The following ZNF343 variants were observed in gnomAD, a reference collection of about 807,000 sequenced individuals.
ZNF343 encodes zinc finger protein 343.
In ZNF343, 11 loss-of-function variants were observed where a neutral mutation model predicts 13.8. That is an observed-to-expected ratio of 0.80 (90% CI 0.50 to 1.32). The LOEUF is 1.32. ZNF343 is among the 40% of genes most tolerant of loss of function. ZNF343 has a pLI of 0.00. For missense variants in ZNF343, 658 were observed against 714.2 expected (o/e 0.92, Z 0.90); for synonymous variants, 248 against 260.0 (o/e 0.95, Z 0.44).
chr20:2,506,147 C>T (rs944506208), intron 1 of ZNF343, among the ~76,000 whole-genome samples: 1 of 152,184 alleles, frequency 6.6e-6, no homozygotes, highest in African/African-American at 2.4e-5. Flanking sequence ...TATGAACAGA[C>T]ACTTCTCAAA....
chr20:2,493,792 T>G lies in ZNF343; in HGVS notation c.104A>C (p.Asn35Thr). ...NVETMKKLTQNHKAKGLPSND... is the reference protein window; with the variant it reads ...NVETMKKLTQTHKAKGLPSND... ...ACAATTCTCACCTTTCGCTTTATGA[T>G]TTTGGGTCAATTTCTTCATAGTCTC... The change falls in exon 3 of 6, where the codon AAT (asparagine) becomes ACT (threonine). Residue 35 changes from asparagine (N) to threonine (T), a missense_variant. Physicochemically the swap from Asn to Thr is moderately conservative, Grantham distance 65. Coordinates refer to ENST00000278772, the MANE Select transcript of ZNF343 (RefSeq NM_024325.6). 6.2e-7 allele frequency: 1 copy of G among 1,612,624 alleles called. No individual in the cohort carries two copies. Among genetic ancestry groups the G allele is most frequent in the African/African-American group, 1.3e-5 (1 of 75,008 alleles).
intron 1 of ZNF343, among the ~76,000 whole-genome samples, chr20:2,515,510 G>C (rs1312154878): frequency 6.6e-6 from 1 of 152,158 alleles, no homozygotes; most frequent in Non-Finnish European, 1.5e-5. Context: ...GCATTCAAAA[G>C]TACTCCAACT....
intron 5 of ZNF343, among the ~76,000 whole-genome samples, chr20:2,484,955 T>C (rs1022963215): frequency 6.6e-6 from 1 of 152,152 alleles, no homozygotes; most frequent in Admixed American, 6.5e-5. Context: ...CATTGGTATA[T>C]ACTGTCCACA....
At position 2,508,391 on chromosome 20, in the gene ZNF343, C is replaced by A. The variant is rs1208871861; in HGVS notation, c.-237+490G>T. On this transcript the variant is annotated intron_variant, in intron 1 of 5. Coordinates refer to ENST00000278772, the MANE Select transcript of ZNF343 (RefSeq NM_024325.6). This position sits in a 1 kb window ranked among gnomAD's most constrained non-coding sequence, Gnocchi z 4.5. ...GACATATCCAGCCCCACCCAAAAAA[C>A]AGAAAAACTCGGTGATGCAGGACTC... Among the ~76,000 whole-genome samples, 1 of 151,896 alleles carries A rather than the reference C, an allele frequency of 6.6e-6. No individual in the cohort carries two copies. Among genetic ancestry groups the A allele is most frequent in the Non-Finnish European group, 1.5e-5 (1 of 67,994 alleles).
Position 2,482,346 on chromosome 20 carries a change from GA to G in ZNF343, c.*814del, listed in dbSNP as rs1337087374. 1 of 152,240 alleles carries G rather than the reference GA, an allele frequency of 6.6e-6. No individual in the cohort carries two copies. The highest frequency in any genetic ancestry group is 1.5e-5 in the Non-Finnish European group (1 of 68,086). 9.4% of individuals were successfully genotyped at this position (152,240 alleles called of 1,614,324 possible). On this transcript the variant is annotated 3_prime_UTR_variant, in exon 6 of 6. Transcript: ENST00000278772. Reference sequence around the variant, plus strand: ...AATTATCTGGACAGACAACGAGACAGAAAATTGAGGATTCACTGGGGAGTGA... The same window carrying G: ...AATTATCTGGACAGACAACGAGACAGAAATTGAGGATTCACTGGGGAGTGA...
rs1032354601 is a variant in ZNF343 at position 2,518,964 on chromosome 20, T to C, written c.-347+5491A>G. Reference sequence around the variant, plus strand: ...TGTTTGGCAGTTCCCTGCCCCCCTCTCTCTTTCCTGCCATCGTGTAAGACA... The same window carrying C: ...TGTTTGGCAGTTCCCTGCCCCCCTCCCTCTTTCCTGCCATCGTGTAAGACA... On this transcript the variant is annotated intron_variant, in intron 1 of 6. Coordinates refer to the ZNF343 transcript ENST00000358413. The surrounding 1 kb of genome is among the most constrained non-coding windows in gnomAD (Gnocchi z 4.6). 6.6e-6 allele frequency among the ~76,000 whole-genome samples: 1 copy of C among 152,154 alleles called. No homozygotes were observed. Among genetic ancestry groups the C allele is most frequent in the Non-Finnish European group, 1.5e-5 (1 of 68,024 alleles).
At chr20:2,490,884 C>T (rs1039438564) in intron 5 of ZNF343, among the ~76,000 whole-genome samples, 6 of 152,214 alleles carry the variant, frequency 3.9e-5, no homozygotes, top group Non-Finnish European at 5.9e-5. Flanking sequence ...AAAGGAAAAA[C>T]ACACACAGAA....
intron 1 of ZNF343, among the ~76,000 whole-genome samples, chr20:2,517,259 G>A (rs1160759288): frequency 5.3e-5 from 8 of 152,024 alleles, no homozygotes; most frequent in Non-Finnish European, 1.0e-4. Flanking sequence ...AGAAGCAACA[G>A]AATTTGTATG....
At chr20:2,490,224 T>C (rs2085344917) in intron 5 of ZNF343, among the ~76,000 whole-genome samples, 1 of 151,982 alleles carries the variant, frequency 6.6e-6, no homozygotes, top group Non-Finnish European at 1.5e-5. Context: ...TTATAATGTG[T>C]GATGGGGAAA....
chr20:2,493,046 T>C, intron 4 of ZNF343: 2 of 562,304 alleles, frequency 3.6e-6, no homozygotes, highest in South Asian at 2.2e-5. Flanking sequence ...TCTAGGCCCT[T>C]GACATATATG....
Position 2,484,605 on chromosome 20 carries a change from G to A in ZNF343, c.356C>T (p.Ser119Phe). 6.2e-7 allele frequency: 1 copy of A among 1,612,874 alleles called. No homozygotes were observed. The highest frequency in any genetic ancestry group is 8.5e-7 in the Non-Finnish European group (1 of 1,179,354). ...ATGTTGACTGAGGAACTGCTGACAG[G>A]AGAAGGCCAGAAGGCAGGAGGAACA... ...YTCSSCLLAF[S>F]CQQFLSQHVL... Residue 119 changes from serine to phenylalanine, a missense_variant, in exon 6 of 6, where the codon TCC (serine) becomes TTC (phenylalanine). Ser to Phe is a radical substitution (Grantham distance 155). Coordinates refer to ENST00000278772, the MANE Select transcript of ZNF343 (RefSeq NM_024325.6).
At chr20:2,507,264 C>CAAAA (rs775388577) in intron 1 of ZNF343, among the ~76,000 whole-genome samples, 1 of 57,810 alleles carries the variant, frequency 1.7e-5, no homozygotes, top group Non-Finnish European at 3.7e-5. Flanking sequence ...AACTGTGTCT[C>CAAAA]AAAAAAAAAA....
At chr20:2,509,120 A>G (rs2085719081), upstream of ZNF343, 1 of 152,060 alleles carries the variant, frequency 6.6e-6, no homozygotes. Flanking sequence ...CCATTCTGCA[A>G]AAAAAAGACT....
At position 2,482,044 on chromosome 20, in the gene ZNF343, A is replaced by T. The variant is rs1187551831; in HGVS notation, c.*1117T>A. 6.6e-6 allele frequency: 1 copy of T among 152,214 alleles called. No homozygotes were observed. The highest frequency in any genetic ancestry group is 1.5e-5 in the Non-Finnish European group (1 of 68,046). 9.4% of individuals were successfully genotyped at this position (152,214 alleles called of 1,614,324 possible). On this transcript the variant is annotated 3_prime_UTR_variant, in exon 6 of 6. Coordinates refer to ENST00000278772, the MANE Select transcript of ZNF343 (RefSeq NM_024325.6). ...GTGACATCGGGATGAAGCTCCACCC[A>T]CAAGCCCTGCCCACAGAGGTCTTCT...
At chr20:2,488,856 G>A (rs2085322273) in intron 5 of ZNF343, among the ~76,000 whole-genome samples, 1 of 151,960 alleles carries the variant, frequency 6.6e-6, no homozygotes, top group African/African-American at 2.4e-5. Context: ...ACCAGCCTGG[G>A]CAACATGGCA....
chr20:2,507,423 A>G (rs572410791), intron 1 of ZNF343, among the ~76,000 whole-genome samples: 7 of 152,200 alleles, frequency 4.6e-5, no homozygotes, highest in Non-Finnish European at 8.8e-5. Context: ...TTACATATTT[A>G]TCCCTTTAAT....
rs145923667 is a variant in ZNF343 at position 2,484,088 on chromosome 20, G to A, written c.873C>T (p.His291=). ...RSTLIRHHRI[H]SMEKPYVCSE... is the part of the protein sequence containing the mutation. ...TGCACACATAAGGCTTCTCCATCGA[G>A]TGTATACGATGGTGTCTGATGAGGG... is the stretch of plus-strand genomic sequence containing the variant. Residue 291 remains histidine (H), a synonymous_variant, in exon 6 of 6, where the codon CAC becomes CAT. Transcript: ENST00000278772. The A allele has an allele frequency of 1.2e-5, 19 of 1,614,092 alleles. No individual in the cohort carries two copies. In the African/African-American group the frequency reaches 2.3e-4, roughly 19 times the overall value.
chr20:2,491,799 A>C (rs1332026732), intron 5 of ZNF343: 1 of 152,162 alleles, frequency 6.6e-6, no homozygotes, highest in African/African-American at 2.4e-5. Context: ...CCAACCCCTG[A>C]TCTAGAGTTA....
intron 1 of ZNF343, among the ~76,000 whole-genome samples, chr20:2,507,957 T>TGAGGGAAAAGC (rs1417670976): frequency 2.6e-5 from 4 of 151,938 alleles, no homozygotes; most frequent in African/African-American, 9.7e-5. Flanking sequence ...AAACCAGATG[T>TGAGGGAAAAGC]TTGGCCCTAA....
Sources: gnomAD v4.1 joint callset for allele counts (sites outside exome capture counted in the v4.1 genomes callset) on GRCh38, gnomAD v4.1.1 for gene constraint, Gnocchi (gnomAD v3.1) non-coding constraint, MANE v1.5 for transcripts, NCBI Gene and HGNC (gene_info 2026-07-23, HGNC 2026-07-21) for gene names.